Variants in DGKI observed in about 807,000 individuals in gnomAD.
DGKI encodes the protein diacylglycerol kinase iota.
A neutral mutation model predicts 147.5 loss-of-function variants in DGKI; 55 were observed. The ratio of observed to expected loss-of-function variants is 0.37; its 90% confidence interval spans 0.30 to 0.47. DGKI has a LOEUF of 0.47. Among genes scored for constraint, DGKI ranks in the 20% least tolerant of loss-of-function variants. The pLI, the probability that DGKI is intolerant of heterozygous loss-of-function variation, is 1.00. For synonymous variants in DGKI, 469 were observed against 477.1 expected (o/e 0.98, Z 0.22); for missense variants, 1,007 against 1,323.8 (o/e 0.76, Z 3.71).
chr7:137,835,011 G>T (rs1344485952), intron 1 of DGKI, among the ~76,000 whole-genome samples: 2 of 152,168 alleles, frequency 1.3e-5, no homozygotes. Flanking sequence ...AATTATGCTT[G>T]TCTTGTACCG....
At chr7:137,790,908 G>C (rs971668744) in intron 1 of DGKI, among the ~76,000 whole-genome samples, 3 of 152,194 alleles carry the variant, frequency 2.0e-5, no homozygotes, top group African/African-American at 7.2e-5. Flanking sequence ...GCAACCTTCA[G>C]CACTTGGCTT....
chr7:137,418,250 C>T (rs987622089), intron 28 of DGKI, among the ~76,000 whole-genome samples: 4 of 152,164 alleles, frequency 2.6e-5, no homozygotes, highest in Admixed American at 6.5e-5. Flanking sequence ...CCAGTTCTAT[C>T]AGTGGAAAAA....
chr7:137,601,276 A>G (rs1490558913), intron 10 of DGKI, among the ~76,000 whole-genome samples: 1 of 152,168 alleles, frequency 6.6e-6, no homozygotes, highest in Non-Finnish European at 1.5e-5. Flanking sequence ...GTCTCAAAAA[A>G]AAAAAAGAAA....
intron 1 of DGKI, among the ~76,000 whole-genome samples, chr7:137,805,949 G>A (rs556182668): frequency 6.6e-6 from 1 of 152,374 alleles, no homozygotes; most frequent in Non-Finnish European, 1.5e-5. Context: ...AGCATGAGAA[G>A]ATAATTTCTT....
At position 137,681,041 on chromosome 7, in the gene DGKI, G is replaced by A. The variant is rs117393713; in HGVS notation, c.511-2389C>T. 3.5e-3 allele frequency among the ~76,000 whole-genome samples: 539 copies of A among 152,302 alleles called. 12 individuals are homozygous for A. The East Asian group carries it at 0.039, about 11-fold the overall frequency. ...ACAGAAGTGAGGCAGGAAGGGACAA[G>A]AGAATGTGAAAGTCACTAGGGATAT... On this transcript the variant is annotated intron_variant, in intron 2 of 32. Coordinates refer to ENST00000614521, the MANE Select transcript of DGKI (RefSeq NM_001321708.2).
chr7:137,537,958 T>C (rs1448072916), intron 20 of DGKI, among the ~76,000 whole-genome samples: 1 of 152,198 alleles, frequency 6.6e-6, no homozygotes, highest in African/African-American at 2.4e-5. Context: ...AAATCAAGTC[T>C]TATTTTCTAA....
intron 20 of DGKI, chr7:137,546,011 G>T (rs1381642883): frequency 5.7e-6 from 4 of 697,724 alleles, no homozygotes; most frequent in Non-Finnish European, 1.0e-5. Context: ...GCGACAGCGT[G>T]GACAGACAAG....
In DGKI at chr7:137,391,136, CA is replaced by C. The variant is rs778586560; in HGVS notation, c.*83del. On this transcript the variant is annotated 3_prime_UTR_variant, in exon 33 of 33. Coordinates refer to ENST00000614521, the MANE Select transcript of DGKI (RefSeq NM_001321708.2). ...AGAGAGACAGATATATGAATTCCAT[CA>C]GCTTCTTCCAGGGGAGCTGCCCAAT... 3.3e-5 allele frequency: 33 copies of C among 1,011,790 alleles called. No individual in the cohort carries two copies. The highest frequency in any genetic ancestry group is 5.0e-5 in the Non-Finnish European group (32 of 634,240). The allele number at this position is 1,011,790 out of a possible 1,614,324, so 62.7% of individuals were successfully genotyped here.
Position 137,383,329 on chromosome 7 carries a change from GGT to G in DGKI, c.*7889_*7890del, listed in dbSNP as rs1176002668. On this transcript the variant is annotated 3_prime_UTR_variant, in exon 33 of 33. Transcript: ENST00000614521. ...AAAGATATGTTTCTACTAAAGCATA[GGT>G]GTGTTTGTGTAAGCAAGGCAACTTT... is the stretch of plus-strand genomic sequence containing the variant. 2 of 151,628 alleles carry G rather than the reference GGT, an allele frequency of 1.3e-5. No homozygotes were observed. The highest frequency in any genetic ancestry group is 2.9e-5 in the Non-Finnish European group (2 of 67,844). The allele number at this position is 151,628 out of a possible 1,614,324, so 9.4% of individuals were successfully genotyped here.
At position 137,618,148 on chromosome 7, in the gene DGKI, TATA is replaced by T. The variant is rs1262264511; in HGVS notation, c.993+1673_993+1675del. On this transcript the variant is annotated intron_variant, in intron 8 of 32. Coordinates refer to ENST00000614521, the MANE Select transcript of DGKI (RefSeq NM_001321708.2). Reference sequence around the variant, plus strand: ...AATACTATATATATATATATATATATATATTTTTTTTTTTTTACTCTATCATTC... The same window carrying T: ...AATACTATATATATATATATATATATTTTTTTTTTTTTTACTCTATCATTC... Among the ~76,000 whole-genome samples, 101 of 26,192 alleles carry T rather than the reference TATA, an allele frequency of 3.9e-3. 12 individuals are homozygous for T. Among genetic ancestry groups the T allele is most frequent in the Non-Finnish European group, 7.6e-3 (84 of 11,008 alleles). The allele number at this position is 26,192 out of a possible 152,430, so 17.2% of individuals were successfully genotyped here. A position where few individuals can be genotyped will look rare whatever the true frequency, so the allele number is the denominator to read the frequency against.
intron 30 of DGKI, among the ~76,000 whole-genome samples, chr7:137,402,505 TA>T (rs1811795960): frequency 6.6e-6 from 1 of 152,262 alleles, no homozygotes; most frequent in South Asian, 2.1e-4. Context: ...ACTCATTCCA[TA>T]GGCTCTTCTG....
intron 1 of DGKI, among the ~76,000 whole-genome samples, chr7:137,764,078 G>GACACT (rs1585460900): frequency 6.6e-6 from 1 of 152,178 alleles, no homozygotes; most frequent in Non-Finnish European, 1.5e-5. Flanking sequence ...CACTATCACA[G>GACACT]ATCTAGGCCC....
At chr7:137,807,727 G>A (rs1435259014) in intron 1 of DGKI, among the ~76,000 whole-genome samples, 2 of 152,172 alleles carry the variant, frequency 1.3e-5, no homozygotes, top group Admixed American at 6.5e-5. Flanking sequence ...AAATAATGGG[G>A]CCAGCCTGAG....
rs564671208 is a variant in DGKI, at chr7:137,672,190, A to G, written c.606+6367T>C. Among the ~76,000 whole-genome samples the G allele has an allele frequency of 9.2e-5, 14 of 152,360 alleles. No individual in the cohort carries two copies. The South Asian group carries it at 2.1e-3, about 23-fold the overall frequency. On this transcript the variant is annotated intron_variant, in intron 3 of 32. Transcript: ENST00000614521. ...AGACGCACCTGTGTGCATACGTGTCAGTGAGCCTATGTAACTGCGGTATCT... is the reference window on the plus strand; with the variant it reads ...AGACGCACCTGTGTGCATACGTGTCGGTGAGCCTATGTAACTGCGGTATCT...
At chr7:137,413,220 C>A (rs1399008361) in intron 28 of DGKI, among the ~76,000 whole-genome samples, 1 of 146,044 alleles carries the variant, frequency 6.8e-6, no homozygotes, top group African/African-American at 2.6e-5. Flanking sequence ...GAGCGGAGAT[C>A]GCGCCACTGC....
intron 12 of DGKI, among the ~76,000 whole-genome samples, chr7:137,590,027 AAAAG>A (rs1057049889): frequency 7.2e-5 from 11 of 152,136 alleles, no homozygotes; most frequent in Admixed American, 5.9e-4. Context: ...AGAAAAGAAA[AAAAG>A]AAAGAAAAAA....
intron 1 of DGKI, among the ~76,000 whole-genome samples, chr7:137,728,508 T>G (rs534364588): frequency 8.9e-4 from 135 of 152,230 alleles, no homozygotes; most frequent in African/African-American, 3.2e-3. Context: ...GGAAGTCAAA[T>G]GCAAAGAGTA....
intron 28 of DGKI, among the ~76,000 whole-genome samples, chr7:137,431,067 G>T (rs186582861): frequency 2.6e-5 from 4 of 152,200 alleles, no homozygotes; most frequent in Non-Finnish European, 5.9e-5. Context: ...AAAGACAGCT[G>T]GGAAATCAGA....
intron 19 of DGKI, among the ~76,000 whole-genome samples, chr7:137,564,969 T>C (rs1368390382): frequency 2.0e-5 from 3 of 152,226 alleles, no homozygotes; most frequent in Non-Finnish European, 4.4e-5. Flanking sequence ...ATCCAGGAAC[T>C]CTATATGCCG....
Sources: allele counts gnomAD v4.1 joint callset (sites outside exome capture counted in the v4.1 genomes callset), GRCh38; gene constraint gnomAD v4.1.1; transcripts MANE v1.5; gene names NCBI Gene and HGNC (gene_info 2026-07-23, HGNC 2026-07-21).